PKHD1: variants seen among roughly 807,000 people sequenced by gnomAD.
PKHD1 encodes the protein fibrocystin.
In PKHD1, 291 loss-of-function variants were observed where a neutral mutation model predicts 412.0. The observed-to-expected ratio is 0.71, with a 90% CI of 0.64 to 0.78. The LOEUF is 0.78. Among genes scored for constraint, PKHD1 ranks in the 30% least tolerant of loss-of-function variants. The probability of loss-of-function intolerance (pLI) is 0.00; values close to 1 mark genes in which losing one functional copy is unlikely to be tolerated. For synonymous variants in PKHD1, 1,777 were observed against 1,821.5 expected, an observed-to-expected ratio of 0.98 and a Z score of 0.62; for missense variants, 4,825 against 4,950.7, an observed-to-expected ratio of 0.97 and a Z score of 0.76.
At chr6:51,732,240 G>A (rs1312360961) in intron 60 of PKHD1, among the ~76,000 whole-genome samples, 1 of 151,912 alleles carries the variant, frequency 6.6e-6, no homozygotes, top group Non-Finnish European at 1.5e-5. Flanking sequence ...CTTATTCCTA[G>A]ATTTAGAAAA....
intron 60 of PKHD1, among the ~76,000 whole-genome samples, chr6:51,699,765 T>C (rs933767325): frequency 2.0e-5 from 3 of 152,192 alleles, no homozygotes; most frequent in African/African-American, 7.2e-5. Flanking sequence ...TTATTTCTTT[T>C]TGTATCTGTG....
rs985507382 is a variant in PKHD1, at chr6:51,809,658, C to T, written c.8303-18285G>A. Among the ~76,000 whole-genome samples the T allele has an allele frequency of 3.9e-4, 60 of 151,992 alleles. 1 individual carries two copies. Among genetic ancestry groups the T allele is most frequent in the African/African-American group, 1.3e-3 (54 of 41,470 alleles). On this transcript the variant is annotated intron_variant, in intron 52 of 66. Transcript: ENST00000371117. Reference sequence around the variant, plus strand: ...CTTCCTGTATTTGTACAGCATTCCACCTATTTAGCAAGGTTTTCAGGGGGT... The same window carrying T: ...CTTCCTGTATTTGTACAGCATTCCATCTATTTAGCAAGGTTTTCAGGGGGT...
intron 37 of PKHD1, among the ~76,000 whole-genome samples, chr6:51,919,753 A>G (rs1784399367): frequency 6.6e-6 from 1 of 152,186 alleles, no homozygotes; most frequent in African/African-American, 2.4e-5. Flanking sequence ...GATTCTTCCT[A>G]TCCATGAGCA....
chr6:51,793,640 G>A (rs1794109278), intron 52 of PKHD1, among the ~76,000 whole-genome samples: 1 of 152,142 alleles, frequency 6.6e-6, no homozygotes, highest in Admixed American at 6.5e-5. Context: ...CCCGTGTTAG[G>A]TTGCTAAGGA....
At position 52,045,999 on chromosome 6, in the gene PKHD1, C is replaced by T. The variant is rs373812918; in HGVS notation, c.2592+5G>A. ...CCATGCCACTAGAAGGGATACTATA[C>T]ATACCCTGATAAAATTGGGCAAATC... On this transcript the variant is annotated splice_donor_5th_base_variant and intron_variant, in intron 24 of 66. Coordinates refer to ENST00000371117, the MANE Select transcript of PKHD1 (RefSeq NM_138694.4). 6.2e-7 allele frequency: 1 copy of T among 1,605,522 alleles called. No individual in the cohort carries two copies. Among genetic ancestry groups the T allele is most frequent in the Non-Finnish European group, 8.5e-7 (1 of 1,172,608 alleles).
intron 66 of PKHD1, among the ~76,000 whole-genome samples, chr6:51,624,559 T>C (rs1213702630): frequency 6.6e-6 from 1 of 152,184 alleles, no homozygotes; most frequent in Non-Finnish European, 1.5e-5. Context: ...TGAACTTGGA[T>C]AAAATTTCTA....
At chr6:51,887,839 G>A (rs1778463374) in intron 43 of PKHD1, among the ~76,000 whole-genome samples, 1 of 152,176 alleles carries the variant, frequency 6.6e-6, no homozygotes, top group Non-Finnish European at 1.5e-5. Context: ...ATGCGAGAAT[G>A]AACTAATAAA....
chr6:51,732,284 G>A (rs1051651122), intron 60 of PKHD1, among the ~76,000 whole-genome samples: 4 of 152,058 alleles, frequency 2.6e-5, no homozygotes, highest in African/African-American at 9.7e-5. Context: ...TCAAAAATAT[G>A]CCAGTCCTTC....
intron 43 of PKHD1, among the ~76,000 whole-genome samples, chr6:51,889,263 G>A (rs1021092769): frequency 6.6e-6 from 1 of 152,100 alleles, no homozygotes; most frequent in Non-Finnish European, 1.5e-5. Flanking sequence ...TCACAGTAAA[G>A]AGAATGGGGA....
intron 12 of PKHD1, 114 bp from the exon 13 acceptor site, chr6:52,065,164 T>TAGAGAG (rs1415728896): frequency 0.014 from 788 of 57,482 alleles, 8 homozygotes; most frequent in Non-Finnish European, 0.016. Flanking sequence ...TATATATATA[T>TAGAGAG]ATATAGAGAG....
chr6:51,697,704 C>T (rs1225820502), intron 60 of PKHD1, among the ~76,000 whole-genome samples: 1 of 152,242 alleles, frequency 6.6e-6, no homozygotes, highest in South Asian at 2.1e-4. Context: ...TTCACATACC[C>T]TGTTCTTAGG....
At chr6:52,073,621 T>C in intron 6 of PKHD1, 80 bp from the exon 7 acceptor site, 13 of 855,316 alleles carry the variant, frequency 1.5e-5, no homozygotes, top group Non-Finnish European at 2.6e-5. Context: ...TTCTTTTTGG[T>C]TGTATATACT....
intron 35 of PKHD1, among the ~76,000 whole-genome samples, chr6:51,976,956 A>AAAAAAAAAAAAAAAAAAC (rs1794536037): frequency 6.6e-6 from 1 of 151,688 alleles, no homozygotes; most frequent in Non-Finnish European, 1.5e-5. Flanking sequence ...AAAAAAAAAA[A>AAAAAAAAAAAAAAAAAAC]AAAAAAAACC....
chr6:51,702,890 ATTTT>A (rs11447702), intron 60 of PKHD1, among the ~76,000 whole-genome samples: 4,135 of 138,288 alleles, frequency 0.03, 181 homozygotes, highest in African/African-American at 0.1. Flanking sequence ...TCAGAAATCA[ATTTT>A]TTTTTTTTTT....
At chr6:51,723,793 G>A (rs965946907) in intron 60 of PKHD1, among the ~76,000 whole-genome samples, 2 of 152,102 alleles carry the variant, frequency 1.3e-5, no homozygotes, top group South Asian at 4.1e-4. Context: ...CAGAAAGAGA[G>A]AAAGACAGAG....
chr6:51,850,415 T>C (rs957318480), intron 49 of PKHD1, among the ~76,000 whole-genome samples: 4 of 152,252 alleles, frequency 2.6e-5, no homozygotes, highest in Non-Finnish European at 5.9e-5. Flanking sequence ...AATGTTTTTT[T>C]CTAATTCTGT....
At chr6:51,705,917 G>A (rs1779965822) in intron 60 of PKHD1, among the ~76,000 whole-genome samples, 5 of 152,060 alleles carry the variant, frequency 3.3e-5, no homozygotes. Flanking sequence ...ATACAGACAG[G>A]CATTATACAC....
intron 11 of PKHD1, among the ~76,000 whole-genome samples, chr6:52,067,191 C>T (rs771116522): frequency 3.3e-5 from 5 of 152,158 alleles, no homozygotes; most frequent in Non-Finnish European, 7.4e-5. Context: ...AGATTGATCC[C>T]TTACACTCAG....
At chr6:52,049,772 G>A (rs539081205) in intron 22 of PKHD1, among the ~76,000 whole-genome samples, 1 of 152,246 alleles carries the variant, frequency 6.6e-6, no homozygotes, top group Admixed American at 6.5e-5. Flanking sequence ...CATGAGGAAT[G>A]CAATGAAAAG....
Sources: allele counts gnomAD v4.1 joint callset (sites outside exome capture counted in the v4.1 genomes callset), GRCh38; gene constraint gnomAD v4.1.1; transcripts MANE v1.5; gene names NCBI Gene and HGNC (gene_info 2026-07-23, HGNC 2026-07-21).